The following RNF212 variants were observed in gnomAD, a reference collection of about 807,000 sequenced individuals.
The protein encoded by RNF212 is probable E3 SUMO-protein ligase RNF212.
RNF212 carries 33 observed loss-of-function variants against 34.7 expected under a neutral mutation model. That is an observed-to-expected ratio of 0.95 (90% CI 0.72 to 1.27). The LOEUF (loss-of-function observed/expected upper bound fraction) is 1.27, where lower values mean the gene tolerates loss of function less well. Among genes scored for constraint, RNF212 ranks in the 50% most tolerant of loss-of-function variants. The pLI is 0.00. For synonymous variants in RNF212, 140 were observed against 136.1 expected (o/e 1.03, Z -0.20); for missense variants, 377 against 362.2 (o/e 1.04, Z -0.33).
At chr4:1,065,007 G>T (rs1717999169) in intron 3 of RNF212, among the ~76,000 whole-genome samples, 1 of 152,248 alleles carries the variant, frequency 6.6e-6, no homozygotes, top group African/African-American at 2.4e-5. Context: ...ATAGCCCACT[G>T]TACGGAGACA....
Position 1,093,855 on chromosome 4 carries a change from G to A in RNF212, c.246+2910C>T, listed in dbSNP as rs1181066406. 14 of 1,536,080 alleles carry A rather than the reference G, an allele frequency of 9.1e-6. No individual in the cohort carries two copies. In the East Asian group the frequency reaches 1.5e-4, roughly 16 times the overall value. ...TGGGCCTCTGGCTGGCTCTGGGACC[G>A]CCGGCATCCTGGTCTGGGTGCCCGT... On this transcript the variant is annotated intron_variant, in intron 3 of 9. Transcript: ENST00000433731.
chr4:1,097,678 T>C (rs535020251), intron 2 of RNF212, among the ~76,000 whole-genome samples: 2 of 152,216 alleles, frequency 1.3e-5, no homozygotes, highest in African/African-American at 4.8e-5. Context: ...TCCCTGCACC[T>C]CTGGCCTTCC....
At chr4:1,099,647 T>C in intron 2 of RNF212, 1 of 432,766 alleles carries the variant, frequency 2.3e-6, no homozygotes. Flanking sequence ...TCTTTTCGTA[T>C]TTAATTTTTA....
At chr4:1,067,832 C>T (rs886984194), downstream of RNF212, among the ~76,000 whole-genome samples, 2 of 148,170 alleles carry the variant, frequency 1.3e-5, no homozygotes, top group Non-Finnish European at 3.0e-5. Flanking sequence ...GGCACCACTG[C>T]ACTCCAGCCT....
chr4:1,096,732 T>A, intron 3 of RNF212, 33 bp downstream of exon 3: 1 of 1,515,378 alleles, frequency 6.6e-7, no homozygotes. Context: ...ACCTGGCTCA[T>A]CACGGAACCA....
At chr4:1,064,346 T>C (rs13435314) in intron 3 of RNF212, among the ~76,000 whole-genome samples, 4,252 of 152,336 alleles carry the variant, frequency 0.028, 230 homozygotes, top group African/African-American at 0.097. Context: ...AGATGCATGT[T>C]GTAATCTCTA....
chr4:1,108,230 C>T (rs549282119), intron 2 of RNF212, 113 bp downstream of exon 2: 15 of 622,160 alleles, frequency 2.4e-5, no homozygotes, highest in Non-Finnish European at 3.3e-5. Flanking sequence ...TCTTTGTTAA[C>T]GGAGCAAAGT....
chr4:1,080,222 G>A (rs1026765382), intron 7 of RNF212, among the ~76,000 whole-genome samples: 2 of 152,170 alleles, frequency 1.3e-5, no homozygotes, highest in African/African-American at 4.8e-5. Context: ...CTTATGGCTC[G>A]TGATCTCTGC....
chr4:1,072,927 C>A lies in RNF212; in HGVS notation c.841G>T (p.Ala281Ser), dbSNP rs773806144. The A allele has an allele frequency of 2.5e-6, 4 of 1,613,714 alleles. No individual in the cohort carries two copies. The highest frequency in any genetic ancestry group is 3.4e-6 in the Non-Finnish European group (4 of 1,179,672). Residue 281 changes from alanine (A) to serine (S), a missense_variant, in exon 10 of 10, where the codon GCT (alanine) becomes TCT (serine). Transcript: ENST00000433731. ...EGTLDTFRTP[A>S]VSVVFPLCQF... ...CAAAGAGGAAACACAACAGACACAGCGGGTGTTCTGAACGTGTCCAGGGTG... is the reference window on the plus strand; with the variant it reads ...CAAAGAGGAAACACAACAGACACAGAGGGTGTTCTGAACGTGTCCAGGGTG...
chr4:1,095,081 C>T (rs957568170), intron 3 of RNF212, among the ~76,000 whole-genome samples: 1 of 151,022 alleles, frequency 6.6e-6, no homozygotes, highest in Non-Finnish European at 1.5e-5. Flanking sequence ...CCTGGCTCAT[C>T]ACGGAACCAA....
intron 3 of RNF212, chr4:1,094,034 T>C: frequency 6.6e-7 from 1 of 1,519,400 alleles, no homozygotes; most frequent in African/African-American, 1.4e-5. Flanking sequence ...ATTCAGGCTG[T>C]TTCAGAAGCA....
chr4:1,092,798 G>A (rs1722397017), intron 3 of RNF212, among the ~76,000 whole-genome samples: 2 of 152,226 alleles, frequency 1.3e-5, no homozygotes, highest in African/African-American at 2.4e-5. Flanking sequence ...GAACTGGGAG[G>A]CCGCGAAGGC....
chr4:1,059,279 G>T (rs1008693665), intron 3 of RNF212, among the ~76,000 whole-genome samples: 3 of 152,350 alleles, frequency 2.0e-5, no homozygotes, highest in East Asian at 3.9e-4. Flanking sequence ...GGGAGGCATC[G>T]TAACTCCTCA....
At chr4:1,068,910 A>T (rs1178310645), downstream of RNF212, among the ~76,000 whole-genome samples, 1 of 152,236 alleles carries the variant, frequency 6.6e-6, no homozygotes, top group Non-Finnish European at 1.5e-5. Flanking sequence ...TGAACAAAAT[A>T]GAAATCTATG....
At chr4:1,097,207 C>T (rs1267881756) in intron 2 of RNF212, among the ~76,000 whole-genome samples, 1 of 152,200 alleles carries the variant, frequency 6.6e-6, no homozygotes, top group African/African-American at 2.4e-5. Context: ...GAAGGATGAT[C>T]TAGGCTGACA....
intron 3 of RNF212, chr4:1,093,658 C>G: frequency 2.0e-6 from 3 of 1,535,980 alleles, no homozygotes; most frequent in Non-Finnish European, 2.6e-6. Context: ...GCCTCTGCAG[C>G]ACTTGGCAAA....
At chr4:1,105,695 C>A (rs1286579008) in intron 2 of RNF212, among the ~76,000 whole-genome samples, 6 of 152,264 alleles carry the variant, frequency 3.9e-5, no homozygotes, top group Admixed American at 3.9e-4. Context: ...AGTGCTCACA[C>A]ACGGATGCAC....
At chr4:1,110,887 C>T (rs1725553781) in intron 1 of RNF212, among the ~76,000 whole-genome samples, 1 of 152,176 alleles carries the variant, frequency 6.6e-6, no homozygotes. Context: ...ACTCAGACTA[C>T]TGGAATCTGT....
downstream of RNF212, among the ~76,000 whole-genome samples, chr4:1,068,041 C>T (rs966901315): frequency 2.1e-4 from 32 of 151,488 alleles, no homozygotes; most frequent in Non-Finnish European, 3.8e-4. Context: ...TGGCAATTCT[C>T]CCCACACCGA....
Sources: allele counts gnomAD v4.1 joint callset (sites outside exome capture counted in the v4.1 genomes callset), GRCh38; gene constraint gnomAD v4.1.1; transcripts MANE v1.5; gene names NCBI Gene and HGNC (gene_info 2026-07-23, HGNC 2026-07-21).